SRFBP1: variants seen among roughly 807,000 people sequenced by gnomAD.
SRFBP1 encodes serum response factor binding protein 1.
In SRFBP1, 47 loss-of-function variants were observed where a neutral mutation model predicts 45.5. The observed-to-expected ratio is 1.03, with a 90% CI of 0.82 to 1.32. The LOEUF is 1.32. SRFBP1 is among the 40% of genes most tolerant of loss of function. SRFBP1 has a pLI of 0.00. For synonymous variants in SRFBP1, 203 were observed against 166.3 expected, an observed-to-expected ratio of 1.22 and a Z score of -1.70; for missense variants, 621 against 484.6, an observed-to-expected ratio of 1.28 and a Z score of -2.64.
intron 2 of SRFBP1, chr5:122,066,706 G>T: frequency 6.3e-7 from 1 of 1,580,112 alleles, no homozygotes; most frequent in Non-Finnish European, 8.7e-7. Flanking sequence ...CAGAACACCA[G>T]GCACTGATTT....
chr5:122,028,961 G>T (rs1243865710), downstream of SRFBP1, among the ~76,000 whole-genome samples: 1 of 152,110 alleles, frequency 6.6e-6, no homozygotes, highest in African/African-American at 2.4e-5. Context: ...ACTTTTTCTG[G>T]GATGCAGTGA....
intron 4 of SRFBP1, among the ~76,000 whole-genome samples, chr5:121,996,983 A>G (rs1172987737): frequency 7.7e-6 from 1 of 129,646 alleles, no homozygotes; most frequent in Admixed American, 8.0e-5. Flanking sequence ...CTTCAAGGAG[A>G]ACTACAAACC....
intron 3 of SRFBP1, among the ~76,000 whole-genome samples, chr5:121,980,405 A>G (rs550506538): frequency 1.4e-4 from 22 of 152,274 alleles, no homozygotes; most frequent in Non-Finnish European, 2.5e-4. Context: ...TAATCTGTGA[A>G]ATGATACTGT....
chr5:121,973,536 CT>C (rs2112817123), intron 1 of SRFBP1, among the ~76,000 whole-genome samples: 1 of 145,454 alleles, frequency 6.9e-6, no homozygotes, highest in African/African-American at 2.6e-5. Flanking sequence ...TATAGCTCTG[CT>C]TTTTGTTCTT....
At chr5:122,067,823 A>G (rs946104127) in intron 2 of SRFBP1, among the ~76,000 whole-genome samples, 1 of 151,836 alleles carries the variant, frequency 6.6e-6, no homozygotes, top group Non-Finnish European at 1.5e-5. Flanking sequence ...CCTTTCCTTA[A>G]TGCTCCCCGG....
chr5:122,070,134 G>C lies in SRFBP1; in HGVS notation n.312-5181G>C, dbSNP rs748326926. On this transcript the variant is annotated intron_variant and non_coding_transcript_variant, in intron 2 of 2. Transcript: ENST00000504881. ...GCGCACAACATTGTTGGTATAGTCA[G>C]ATTCAGGAACCAGGTAGCTGGGGTT... 5 of 1,612,930 alleles carry C rather than the reference G, an allele frequency of 3.1e-6. No homozygotes were observed. The highest frequency in any genetic ancestry group is 1.6e-4 in the Middle Eastern group (1 of 6,078).
chr5:121,982,778 A>G (rs1225533566), intron 3 of SRFBP1, among the ~76,000 whole-genome samples: 1 of 151,810 alleles, frequency 6.6e-6, no homozygotes, highest in East Asian at 1.9e-4. Flanking sequence ...TGAGTGTATA[A>G]ACAAGATTCA....
At chr5:122,046,836 A>G (rs1753869043) in intron 2 of SRFBP1, among the ~76,000 whole-genome samples, 1 of 152,192 alleles carries the variant, frequency 6.6e-6, no homozygotes, top group African/African-American at 2.4e-5. Context: ...TTGGCTGCAT[A>G]AATGTCTTCT....
chr5:121,997,947 A>C (rs1439484110), intron 4 of SRFBP1, among the ~76,000 whole-genome samples: 8 of 151,004 alleles, frequency 5.3e-5, no homozygotes, highest in African/African-American at 1.9e-4. Flanking sequence ...AGAGAAATGC[A>C]AATCAAAACC....
chr5:122,075,595 CA>C (rs1196048124), downstream of SRFBP1: 5 of 1,207,074 alleles, frequency 4.1e-6, no homozygotes, highest in Non-Finnish European at 5.8e-6. Context: ...TAACTAAAGA[CA>C]AAACTACAAA....
chr5:122,016,553 C>T (rs143665677), intron 4 of SRFBP1, among the ~76,000 whole-genome samples: 5 of 152,230 alleles, frequency 3.3e-5, no homozygotes, highest in Non-Finnish European at 5.9e-5. Context: ...ACTAATGTGA[C>T]TATTTTCATA....
At chr5:122,019,392 T>C (rs898677030) in intron 5 of SRFBP1, 51 bp downstream of exon 5, 3 of 1,384,466 alleles carry the variant, frequency 2.2e-6, no homozygotes, top group African/African-American at 2.9e-5. Flanking sequence ...TTGTAGACTT[T>C]GGATAATGGC....
Position 122,040,336 on chromosome 5 carries a change from G to A in SRFBP1, n.311+17929G>A, listed in dbSNP as rs10061494. Among the ~76,000 whole-genome samples the A allele has an allele frequency of 5.0e-3, 766 of 152,228 alleles. 1 individual carries two copies. The highest frequency in any genetic ancestry group is 7.8e-3 in the Non-Finnish European group (532 of 68,014). On this transcript the variant is annotated intron_variant and non_coding_transcript_variant, in intron 2 of 2. Transcript: ENST00000504881. ...AGTAGCCTAAGTACGATATCATCCT[G>A]CAAAAATTAAGTAGCCTTAAGCTGA...
At chr5:122,076,179 A>G (rs1335948707), downstream of SRFBP1, 1 of 152,248 alleles carries the variant, frequency 6.6e-6, no homozygotes, top group Non-Finnish European at 1.5e-5. Context: ...TAAAGGGTCA[A>G]AGTGGAAGAA....
intron 2 of SRFBP1, among the ~76,000 whole-genome samples, chr5:122,049,303 A>G (rs1337644046): frequency 1.3e-5 from 2 of 152,150 alleles, no homozygotes; most frequent in Non-Finnish European, 2.9e-5. Context: ...TGGTAAAGGG[A>G]TCAATTCAAC....
intron 3 of SRFBP1, among the ~76,000 whole-genome samples, chr5:121,992,848 C>T (rs1307812534): frequency 1.3e-5 from 2 of 151,920 alleles, no homozygotes; most frequent in Non-Finnish European, 2.9e-5. Flanking sequence ...TACCATGTAT[C>T]TGGGGCTTTG....
chr5:122,059,714 C>A (rs1285091137), intron 2 of SRFBP1, among the ~76,000 whole-genome samples: 2 of 152,030 alleles, frequency 1.3e-5, no homozygotes, highest in Admixed American at 1.3e-4. Flanking sequence ...TTTCCCTTCC[C>A]CTCTACCCAG....
intron 3 of SRFBP1, among the ~76,000 whole-genome samples, chr5:121,991,490 G>C (rs964883732): frequency 1.3e-5 from 2 of 152,086 alleles, no homozygotes; most frequent in Non-Finnish European, 2.9e-5. Flanking sequence ...ATTCAGAAAA[G>C]CTATGTGTGA....
Position 121,975,403 on chromosome 5 carries a change from G to GGT in SRFBP1, c.198+21_198+22dup. 2 of 1,611,818 alleles carry GGT rather than the reference G, an allele frequency of 1.2e-6. No individual in the cohort carries two copies. Among genetic ancestry groups the GGT allele is most frequent in the Non-Finnish European group, 1.7e-6 (2 of 1,178,552 alleles). On this transcript the variant is annotated intron_variant, in intron 3 of 7. Coordinates refer to ENST00000339397, the MANE Select transcript of SRFBP1 (RefSeq NM_152546.3). ...TGCCATGAAGGTAAGGACTTGTGTG[G>GGT]GTGTGTATGTGTGTATGTTTCTGAG...
Sources: gnomAD v4.1 joint callset for allele counts (sites outside exome capture counted in the v4.1 genomes callset) on GRCh38, gnomAD v4.1.1 for gene constraint, MANE v1.5 for transcripts, NCBI Gene and HGNC (gene_info 2026-07-23, HGNC 2026-07-21) for gene names.